Variants in BCAR3 observed in about 807,000 individuals in gnomAD.
The protein encoded by BCAR3 is breast cancer anti-estrogen resistance protein 3.
In BCAR3, 37 loss-of-function variants were observed where a neutral mutation model predicts 80.1. That is an observed-to-expected ratio of 0.46 (90% CI 0.36 to 0.61). The LOEUF (loss-of-function observed/expected upper bound fraction) is 0.61. BCAR3 is among the 20% of genes least tolerant of loss of function. The pLI, the probability that BCAR3 is intolerant of heterozygous loss-of-function variation, is 0.00. For missense variants in BCAR3, 978 were observed against 1,068.2 expected (o/e 0.92, Z 1.18); for synonymous variants, 389 against 418.9 (o/e 0.93, Z 0.87).
chr1:93,572,024 G>A (rs1049594725), intron 8 of BCAR3, among the ~76,000 whole-genome samples, 183 bp from the exon 9 acceptor site: 1 of 152,216 alleles, frequency 6.6e-6, no homozygotes, highest in African/African-American at 2.4e-5. Flanking sequence ...GCTGACTGTG[G>A]AGGGCCAAAG....
intron 3 of BCAR3, among the ~76,000 whole-genome samples, chr1:93,632,828 A>C (rs753200585): frequency 6.6e-6 from 1 of 151,900 alleles, no homozygotes; most frequent in Non-Finnish European, 1.5e-5. Context: ...GACCAGCCTG[A>C]CCAACATGAT....
chr1:93,650,714 A>C (rs1394141865), intron 2 of BCAR3, among the ~76,000 whole-genome samples: 1 of 152,212 alleles, frequency 6.6e-6, no homozygotes, highest in Admixed American at 6.5e-5. Context: ...TGTGTATTAA[A>C]TCACATTAAT....
chr1:93,634,720 C>CA lies in BCAR3; in HGVS notation c.357+7583dup, dbSNP rs71588503. Among the ~76,000 whole-genome samples, 792 of 129,570 alleles carry CA rather than the reference C, an allele frequency of 6.1e-3. 8 individuals carry two copies. The highest frequency in any genetic ancestry group is 8.9e-3 in the Non-Finnish European group (536 of 60,410). The allele number at this position is 129,570 out of a possible 152,430, so 85.0% of individuals were successfully genotyped here. ...AAAACAACAACAACAACAACAACAA[C>CA]AAAAAAAAAACGGAGTTTCCCTGCA... On this transcript the variant is annotated intron_variant, in intron 3 of 11. Transcript: ENST00000260502.
chr1:93,655,763 GGA>G (rs1647354305), intron 2 of BCAR3, among the ~76,000 whole-genome samples: 2 of 152,260 alleles, frequency 1.3e-5, no homozygotes, highest in East Asian at 1.9e-4. Flanking sequence ...AGCTCTTTTA[GGA>G]GAGTCTTTCA....
chr1:93,765,294 A>G (rs559673911), intron 2 of BCAR3, among the ~76,000 whole-genome samples: 3 of 152,296 alleles, frequency 2.0e-5, no homozygotes, highest in Admixed American at 2.0e-4. Context: ...TAGAAACCAC[A>G]CTCACCATAT....
chr1:93,741,107 A>G (rs998553154), intron 2 of BCAR3, among the ~76,000 whole-genome samples: 8 of 152,204 alleles, frequency 5.3e-5, no homozygotes, highest in African/African-American at 1.9e-4. Flanking sequence ...AATATGCTCA[A>G]TGGAGCCAGA....
chr1:93,749,891 T>TA (rs1254918361), intron 2 of BCAR3, among the ~76,000 whole-genome samples: 3 of 127,646 alleles, frequency 2.4e-5, no homozygotes, highest in East Asian at 2.0e-4. Context: ...CTTGACTTAT[T>TA]TTTTTTTTTT....
At chr1:93,768,801 A>G (rs1364793156) in intron 2 of BCAR3, among the ~76,000 whole-genome samples, 1 of 152,130 alleles carries the variant, frequency 6.6e-6, no homozygotes, top group Non-Finnish European at 1.5e-5. Flanking sequence ...TGTAAAACAA[A>G]CAGGGCGCTG....
chr1:93,777,440 C>A (rs1282292070), intron 2 of BCAR3, among the ~76,000 whole-genome samples: 1 of 147,896 alleles, frequency 6.8e-6, no homozygotes, highest in African/African-American at 2.6e-5. Context: ...TCCTCCTCCT[C>A]TTCCTCCTCC....
chr1:93,787,534 A>T (rs1652991430), intron 2 of BCAR3, among the ~76,000 whole-genome samples: 1 of 152,188 alleles, frequency 6.6e-6, no homozygotes, highest in East Asian at 1.9e-4. Context: ...CAGCTCAAAA[A>T]ATTTTTTAAT....
intron 2 of BCAR3, among the ~76,000 whole-genome samples, chr1:93,802,339 A>C (rs1653510438): frequency 6.6e-6 from 1 of 151,940 alleles, no homozygotes; most frequent in African/African-American, 2.4e-5. Context: ...AAAATTGTTT[A>C]GTGGATCTTT....
chr1:93,650,109 AG>A (rs1255146180), intron 2 of BCAR3, among the ~76,000 whole-genome samples: 24 of 152,060 alleles, frequency 1.6e-4, no homozygotes, highest in Admixed American at 1.6e-3. Context: ...TGTGCGAGTA[AG>A]GGTGTGATGG....
chr1:93,742,314 T>G (rs1373804522), intron 2 of BCAR3, among the ~76,000 whole-genome samples: 2 of 152,242 alleles, frequency 1.3e-5, no homozygotes, highest in African/African-American at 4.8e-5. Flanking sequence ...CAAGCAGAGT[T>G]GCTCCATGTA....
At chr1:93,614,485 TC>T (rs1213429179) in intron 3 of BCAR3, among the ~76,000 whole-genome samples, 1 of 151,978 alleles carries the variant, frequency 6.6e-6, no homozygotes, top group Non-Finnish European at 1.5e-5. Context: ...AAAGTGACTT[TC>T]CCTAGGAGAA....
intron 11 of BCAR3, among the ~76,000 whole-genome samples, chr1:93,564,336 C>G (rs1672845135): frequency 7.0e-6 from 1 of 142,748 alleles, no homozygotes; most frequent in Non-Finnish European, 1.5e-5. Flanking sequence ...CTTTTGTTGC[C>G]CAGGCTGAAG....
chr1:93,631,994 T>C (rs1675634699), intron 3 of BCAR3, among the ~76,000 whole-genome samples: 1 of 152,158 alleles, frequency 6.6e-6, no homozygotes. Context: ...CAGTCAGGGT[T>C]CAAGTACCCA....
At chr1:93,611,885 G>A (rs908616027) in intron 3 of BCAR3, among the ~76,000 whole-genome samples, 7 of 152,188 alleles carry the variant, frequency 4.6e-5, no homozygotes, top group African/African-American at 1.7e-4. Flanking sequence ...CTACCGCAGT[G>A]TTATTTTTGG....
chr1:93,618,954 ATC>A (rs1231125069), intron 3 of BCAR3, among the ~76,000 whole-genome samples: 1 of 142,256 alleles, frequency 7.0e-6, no homozygotes, highest in African/African-American at 2.6e-5. Context: ...TTTTTTTTTA[ATC>A]TGAGACGGAA....
chr1:93,697,738 G>A (rs1003869958), intron 3 of BCAR3, among the ~76,000 whole-genome samples: 2 of 152,150 alleles, frequency 1.3e-5, no homozygotes, highest in Non-Finnish European at 2.9e-5. Context: ...CCAGCACTTT[G>A]GGAGGCCGAG....
Sources: allele counts gnomAD v4.1 joint callset (sites outside exome capture counted in the v4.1 genomes callset), GRCh38; gene constraint gnomAD v4.1.1; transcripts MANE v1.5; gene names NCBI Gene and HGNC (gene_info 2026-07-23, HGNC 2026-07-21).